NUDT12: variants seen among roughly 807,000 people sequenced by gnomAD.
The protein encoded by NUDT12 is NAD-capped RNA hydrolase NUDT12.
A neutral mutation model predicts 45.7 loss-of-function variants in NUDT12; 42 were observed. That is an observed-to-expected ratio of 0.92 (90% confidence interval 0.72 to 1.19). The LOEUF is 1.19. Among genes scored for constraint, NUDT12 ranks in the 50% most tolerant of loss-of-function variants. The probability of loss-of-function intolerance (pLI) is 0.00; values close to 1 mark genes in which losing one functional copy is unlikely to be tolerated. For missense variants in NUDT12, 590 were observed against 533.1 expected (o/e 1.11, Z -1.05); for synonymous variants, 206 against 179.7 (o/e 1.15, Z -1.17).
intron 5 of NUDT12, among the ~76,000 whole-genome samples, chr5:103,554,232 C>A (rs1029998252): frequency 6.6e-6 from 1 of 151,972 alleles, no homozygotes; most frequent in East Asian, 1.9e-4. Context: ...AAAATAAAGT[C>A]CCTGTGCTTA....
chr5:103,561,696 CTTAAGT>C (rs1259843181), intron 1 of NUDT12, among the ~76,000 whole-genome samples: 1 of 152,166 alleles, frequency 6.6e-6, no homozygotes, highest in South Asian at 2.1e-4. Flanking sequence ...TTGTCTTTCT[CTTAAGT>C]TTATTTTCCA....
chr5:103,553,130 A>G (rs1419050780), intron 5 of NUDT12, among the ~76,000 whole-genome samples: 1 of 152,048 alleles, frequency 6.6e-6, no homozygotes, highest in East Asian at 1.9e-4. Flanking sequence ...ATAGCTTTCT[A>G]TTTCAAATAG....
At chr5:103,552,982 C>T (rs1428152941) in intron 5 of NUDT12, among the ~76,000 whole-genome samples, 2 of 151,976 alleles carry the variant, frequency 1.3e-5, no homozygotes, top group African/African-American at 2.4e-5. Context: ...TATAAATGTA[C>T]TTTATATTTC....
rs1011169108 is a variant in NUDT12, at chr5:103,549,390, T to C, written c.*1471A>G. On this transcript the variant is annotated 3_prime_UTR_variant, in exon 7 of 7. Coordinates refer to ENST00000230792, the MANE Select transcript of NUDT12 (RefSeq NM_031438.4). ...AAAGTTTTATCTGACAGTTATCTTTTATTTAAGTTAAATAAATGTTAAGTA... is the reference window on the plus strand; with the variant it reads ...AAAGTTTTATCTGACAGTTATCTTTCATTTAAGTTAAATAAATGTTAAGTA... The C allele has an allele frequency of 7.2e-5, 11 of 151,964 alleles. No individual in the cohort carries two copies. The highest frequency in any genetic ancestry group is 2.1e-4 in the South Asian group (1 of 4,832). The allele number at this position is 151,964 out of a possible 1,614,324, so 9.4% of individuals were successfully genotyped here. A position where few individuals can be genotyped will look rare whatever the true frequency, so the allele number is the denominator to read the frequency against.
chr5:103,560,010 AC>A (rs777661809), intron 2 of NUDT12, 32 bp downstream of exon 2: 24 of 1,458,782 alleles, frequency 1.6e-5, no homozygotes, highest in Non-Finnish European at 2.3e-5. Context: ...TAAACCACAA[AC>A]CCTTTCAGGT....
chr5:103,552,626 C>T (rs1748692688), intron 5 of NUDT12, among the ~76,000 whole-genome samples: 1 of 152,036 alleles, frequency 6.6e-6, no homozygotes, highest in Non-Finnish European at 1.5e-5. Flanking sequence ...CAACAATAAA[C>T]TTTTCGTTTT....
chr5:103,555,155 G>GA (rs1053954686), intron 4 of NUDT12, among the ~76,000 whole-genome samples: 12 of 151,790 alleles, frequency 7.9e-5, no homozygotes, highest in African/African-American at 2.9e-4. Context: ...TTTTTAATGA[G>GA]AAAAAAATTT....
chr5:103,556,354 T>C (rs1179579726), intron 3 of NUDT12, among the ~76,000 whole-genome samples: 1 of 152,082 alleles, frequency 6.6e-6, no homozygotes, highest in Non-Finnish European at 1.5e-5. Context: ...CATCCTATAT[T>C]AGATCAGGCT....
rs749121007 is a variant in NUDT12, at chr5:103,550,837, A to T, written c.*24T>A. 1 of 1,473,844 alleles carries T rather than the reference A, an allele frequency of 6.8e-7. No individual in the cohort carries two copies. The highest frequency in any genetic ancestry group is 9.5e-7 in the Non-Finnish European group (1 of 1,052,918). The allele number at this position is 1,473,844 out of a possible 1,614,324, so 91.3% of individuals were successfully genotyped here. A position where few individuals can be genotyped will look rare whatever the true frequency, so the allele number is the denominator to read the frequency against. On this transcript the variant is annotated 3_prime_UTR_variant, in exon 7 of 7. Coordinates refer to ENST00000230792, the MANE Select transcript of NUDT12 (RefSeq NM_031438.4). Reference sequence around the variant, plus strand: ...GAGTGTTATTAGAAATTATTAAATAATACTCAAAGCTTAGTTCTTAGATTT... The same window carrying T: ...GAGTGTTATTAGAAATTATTAAATATTACTCAAAGCTTAGTTCTTAGATTT...
At chr5:103,554,002 A>G (rs974419267) in intron 5 of NUDT12, among the ~76,000 whole-genome samples, 2 of 152,070 alleles carry the variant, frequency 1.3e-5, no homozygotes, top group Non-Finnish European at 2.9e-5. Flanking sequence ...TATATAAAGC[A>G]TAGCCTGATA....
chr5:103,559,692 T>A, intron 2 of NUDT12: 1 of 437,524 alleles, frequency 2.3e-6, no homozygotes, highest in Non-Finnish European at 4.0e-6. Context: ...ACTTTCTGGA[T>A]AATTACTCAC....
Position 103,550,629 on chromosome 5 carries a change from A to G in NUDT12, c.*232T>C. On this transcript the variant is annotated 3_prime_UTR_variant, in exon 7 of 7. Transcript: ENST00000230792. ...GAAGGAAGAAAAGAAACCAAGAGAG[A>G]AAAAGTTCAGAGAAGACTGACCCAA... 1 of 336,836 alleles carries G rather than the reference A, an allele frequency of 3.0e-6. No individual in the cohort carries two copies. The highest frequency in any genetic ancestry group is 5.5e-6 in the Non-Finnish European group (1 of 182,298). 20.9% of individuals were successfully genotyped at this position (336,836 alleles called of 1,614,324 possible). A position where few individuals can be genotyped will look rare whatever the true frequency, so the allele number is the denominator to read the frequency against.
rs954434502 is a variant in NUDT12, at chr5:103,557,297, A to G, written c.797-1199T>C. On this transcript the variant is annotated intron_variant, in intron 3 of 6. Coordinates refer to ENST00000230792, the MANE Select transcript of NUDT12 (RefSeq NM_031438.4). ...CTTAAAATGATATATATATATATAT[A>G]TATATATGTCTAAAGAAAATAAATT... is the stretch of plus-strand genomic sequence containing the variant. Among the ~76,000 whole-genome samples, 4 of 145,672 alleles carry G rather than the reference A, an allele frequency of 2.7e-5. No homozygotes were observed. The South Asian group carries it at 6.6e-4, about 24-fold the overall frequency.
chr5:103,553,030 GTTTCTAAGTAAAATCA>G, intron 5 of NUDT12, among the ~76,000 whole-genome samples: 1 of 152,178 alleles, frequency 6.6e-6, no homozygotes, highest in Admixed American at 6.5e-5. Context: ...AGGGGAAATT[GTTTCTAAGTAAAATCA>G]TTTCTAAGTA....
At chr5:103,554,308 G>A (rs1381164702) in intron 5 of NUDT12, among the ~76,000 whole-genome samples, 1 of 151,920 alleles carries the variant, frequency 6.6e-6, no homozygotes, top group African/African-American at 2.4e-5. Flanking sequence ...ACTTACATAC[G>A]GTATTAGGTG....
intron 6 of NUDT12, among the ~76,000 whole-genome samples, chr5:103,551,506 G>T (rs113942473): frequency 8.1e-4 from 124 of 152,228 alleles, no homozygotes; most frequent in African/African-American, 2.9e-3. Context: ...ATTCCCTTAT[G>T]AAAATGACAT....
intron 2 of NUDT12, 131 bp downstream of exon 2, chr5:103,559,912 C>T: frequency 3.3e-6 from 2 of 598,118 alleles, no homozygotes; most frequent in South Asian, 5.2e-5. Flanking sequence ...TACATTTTTA[C>T]ATAAATTAGC....
intron 3 of NUDT12, among the ~76,000 whole-genome samples, chr5:103,556,826 C>T (rs533099045): frequency 1.3e-5 from 2 of 151,988 alleles, no homozygotes; most frequent in South Asian, 4.2e-4. Flanking sequence ...AGTTACCCTC[C>T]CTAAAATAGA....
At chr5:103,555,845 C>T in intron 4 of NUDT12, 86 bp downstream of exon 4, 1 of 960,976 alleles carries the variant, frequency 1.0e-6, no homozygotes, top group South Asian at 3.0e-5. Flanking sequence ...AAAAGGAAAA[C>T]TCTTTAGCTC....
Sources: allele counts gnomAD v4.1 joint callset (sites outside exome capture counted in the v4.1 genomes callset), GRCh38; gene constraint gnomAD v4.1.1; transcripts MANE v1.5; gene names NCBI Gene and HGNC (gene_info 2026-07-23, HGNC 2026-07-21).